Variants in TSPAN12 observed in about 807,000 individuals in gnomAD.
TSPAN12 encodes tetraspanin-12.
In TSPAN12, 19 loss-of-function variants were observed where a neutral mutation model predicts 39.2. That is an observed-to-expected ratio of 0.49 (90% CI 0.34 to 0.71). TSPAN12 has a LOEUF of 0.71. TSPAN12 is among the 30% of genes least tolerant of loss of function. TSPAN12 has a pLI of 0.01. For missense variants in TSPAN12, 314 were observed against 359.9 expected (o/e 0.87, Z 1.03); for synonymous variants, 119 against 124.8 (o/e 0.95, Z 0.31).
chr7:120,788,392 G>C lies in TSPAN12; in HGVS notation c.*200C>G. The C allele has an allele frequency of 1.6e-6, 1 of 623,938 alleles. No individual in the cohort carries two copies. The highest frequency in any genetic ancestry group is 2.9e-5 in the East Asian group (1 of 34,702). 38.7% of individuals were successfully genotyped at this position (623,938 alleles called of 1,614,324 possible). Reference sequence around the variant, plus strand: ...ATGACATCTGTCTTCAGCATTTTAAGGGCATCAATTATTGTCCAGGTGGTG... The same window carrying C: ...ATGACATCTGTCTTCAGCATTTTAACGGCATCAATTATTGTCCAGGTGGTG... On this transcript the variant is annotated 3_prime_UTR_variant, in exon 8 of 8. Coordinates refer to ENST00000222747, the MANE Select transcript of TSPAN12 (RefSeq NM_012338.4).
intron 2 of TSPAN12, among the ~76,000 whole-genome samples, chr7:120,852,645 A>G (rs917667435): frequency 3.3e-5 from 5 of 152,226 alleles, no homozygotes; most frequent in Admixed American, 6.5e-5. Context: ...GCACTGTTCT[A>G]GAGAACTTGG....
intron 2 of TSPAN12, among the ~76,000 whole-genome samples, chr7:120,847,027 T>G (rs1794683244): frequency 6.6e-6 from 1 of 152,088 alleles, no homozygotes; most frequent in Non-Finnish European, 1.5e-5. Context: ...GGGGTGAGAC[T>G]GCATGGAGTC....
At chr7:120,846,762 T>C (rs1794677787) in intron 2 of TSPAN12, among the ~76,000 whole-genome samples, 1 of 152,202 alleles carries the variant, frequency 6.6e-6, no homozygotes, top group Non-Finnish European at 1.5e-5. Flanking sequence ...TATAAATATG[T>C]AACAGAACTG....
chr7:120,824,697 T>C (rs1049738147), intron 4 of TSPAN12, among the ~76,000 whole-genome samples: 8 of 152,184 alleles, frequency 5.3e-5, no homozygotes, highest in Non-Finnish European at 1.2e-4. Flanking sequence ...AAAAAGACAA[T>C]ATTTGCTTTT....
chr7:120,811,505 A>G (rs1429356991), intron 5 of TSPAN12, among the ~76,000 whole-genome samples: 1 of 151,896 alleles, frequency 6.6e-6, no homozygotes, highest in Non-Finnish European at 1.5e-5. Context: ...CGTCTCTACT[A>G]AAAATACAAA....
Position 120,857,955 on chromosome 7 carries a change from C to T in TSPAN12, c.-206G>A, listed in dbSNP as rs1045074042. 6.5e-6 allele frequency: 1 copy of T among 153,800 alleles called. No individual in the cohort carries two copies. The highest frequency in any genetic ancestry group is 2.4e-5 in the African/African-American group (1 of 41,228). The allele number at this position is 153,800 out of a possible 1,614,324, so 9.5% of individuals were successfully genotyped here. A position where few individuals can be genotyped will look rare whatever the true frequency, so the allele number is the denominator to read the frequency against. On this transcript the variant is annotated 5_prime_UTR_variant, in exon 1 of 8. Coordinates refer to ENST00000222747, the MANE Select transcript of TSPAN12 (RefSeq NM_012338.4). Reference sequence around the variant, plus strand: ...GCTTCAGCTGGAGACGCTTCTTTCTCTTCCTCTCCCCCCGCCGCCGCCGTC... The same window carrying T: ...GCTTCAGCTGGAGACGCTTCTTTCTTTTCCTCTCCCCCCGCCGCCGCCGTC...
intron 6 of TSPAN12, among the ~76,000 whole-genome samples, chr7:120,808,274 A>G (rs987802360): frequency 7.9e-5 from 12 of 152,174 alleles, no homozygotes; most frequent in Non-Finnish European, 1.3e-4. Flanking sequence ...TTATAAGTAT[A>G]CGATGCTCAG....
chr7:120,848,859 A>G (rs980694202), intron 2 of TSPAN12, among the ~76,000 whole-genome samples: 33 of 152,208 alleles, frequency 2.2e-4, no homozygotes, highest in African/African-American at 8.0e-4. Flanking sequence ...AACAATAAAA[A>G]CAAATATAGT....
At chr7:120,853,940 A>C (rs1456657785) in intron 2 of TSPAN12, among the ~76,000 whole-genome samples, 24 of 152,100 alleles carry the variant, frequency 1.6e-4, no homozygotes, top group Non-Finnish European at 5.9e-5. Flanking sequence ...TTGTTTAACT[A>C]TTGTATAGAA....
intron 6 of TSPAN12, among the ~76,000 whole-genome samples, chr7:120,807,857 A>G (rs1352896848): frequency 6.6e-6 from 1 of 152,158 alleles, no homozygotes; most frequent in African/African-American, 2.4e-5. Flanking sequence ...ATTTTGAGAA[A>G]CTTAAAAAAT....
At position 120,840,120 on chromosome 7, in the gene TSPAN12, A is replaced by G. The variant is rs754426620; in HGVS notation, c.67-11T>C. The G allele has an allele frequency of 7.5e-6, 12 of 1,605,042 alleles. No individual in the cohort carries two copies. The highest frequency in any genetic ancestry group is 1.0e-5 in the Non-Finnish European group (12 of 1,171,918). ...ACTGATGGACATTAACTGGGGAGAA[A>G]AAAGTACAAACCGGTTACCAAAGAT... On this transcript the variant is annotated splice_polypyrimidine_tract_variant and intron_variant, in intron 2 of 7. Transcript: ENST00000222747.
intron 4 of TSPAN12, among the ~76,000 whole-genome samples, chr7:120,828,544 C>T (rs1054326091): frequency 3.9e-5 from 6 of 152,136 alleles, no homozygotes; most frequent in Non-Finnish European, 8.8e-5. Context: ...CAACCACTCA[C>T]TGCCCCTTGC....
intron 2 of TSPAN12, among the ~76,000 whole-genome samples, chr7:120,847,202 A>G (rs957067006): frequency 6.6e-6 from 1 of 151,638 alleles, no homozygotes; most frequent in Non-Finnish European, 1.5e-5. Context: ...TGATATAAAA[A>G]TAAGTCCTAC....
chr7:120,842,856 T>C (rs995049129), intron 2 of TSPAN12, among the ~76,000 whole-genome samples: 7 of 151,784 alleles, frequency 4.6e-5, no homozygotes, highest in Admixed American at 2.6e-4. Flanking sequence ...AATATTATAT[T>C]AATTATATTA....
chr7:120,796,004 C>G (rs981991629), intron 7 of TSPAN12, among the ~76,000 whole-genome samples: 3 of 152,176 alleles, frequency 2.0e-5, no homozygotes, highest in African/African-American at 7.2e-5. Flanking sequence ...CGCAATATCC[C>G]TATTACATAG....
chr7:120,828,683 A>G (rs1584942846), intron 4 of TSPAN12, among the ~76,000 whole-genome samples: 2 of 109,272 alleles, frequency 1.8e-5, no homozygotes, highest in Admixed American at 2.2e-4. Flanking sequence ...TTTTTACAGT[A>G]CCTTTAAAAA....
At chr7:120,855,853 A>G (rs1450661229) in intron 2 of TSPAN12, among the ~76,000 whole-genome samples, 1 of 152,226 alleles carries the variant, frequency 6.6e-6, no homozygotes, top group African/African-American at 2.4e-5. Context: ...AAAATTTGTA[A>G]CAGAAAATTT....
chr7:120,854,554 G>A (rs1415580253), intron 2 of TSPAN12, among the ~76,000 whole-genome samples: 1 of 152,186 alleles, frequency 6.6e-6, no homozygotes. Flanking sequence ...CACTAAATGT[G>A]CCTGGCAAAC....
At chr7:120,810,822 G>C (rs1384631367) in intron 5 of TSPAN12, among the ~76,000 whole-genome samples, 1 of 152,118 alleles carries the variant, frequency 6.6e-6, no homozygotes, top group East Asian at 1.9e-4. Context: ...GGAAAAAAAT[G>C]AGAAATCACT....
Sources: gnomAD v4.1 joint callset for allele counts (sites outside exome capture counted in the v4.1 genomes callset) on GRCh38, gnomAD v4.1.1 for gene constraint, MANE v1.5 for transcripts, NCBI Gene and HGNC (gene_info 2026-07-23, HGNC 2026-07-21) for gene names.